The following CACNA1D variants were observed in gnomAD, a reference collection of about 807,000 sequenced individuals.
The protein encoded by CACNA1D is calcium voltage-gated channel subunit alpha1 D, also known as voltage-dependent L-type calcium channel subunit alpha-1D.
A neutral mutation model predicts 257.1 loss-of-function variants in CACNA1D; 55 were observed. The ratio of observed to expected loss-of-function variants is 0.21; its 90% CI spans 0.17 to 0.27. The LOEUF is 0.27. Ranked by LOEUF, CACNA1D falls within the 10% of genes least tolerant of loss-of-function variation. CACNA1D has a pLI of 1.00. For synonymous variants in CACNA1D, 980 were observed against 1,014.9 expected, an observed-to-expected ratio of 0.97 and a Z score of 0.65; for missense variants, 1,876 against 2,784.0, an observed-to-expected ratio of 0.67 and a Z score of 7.34.
intron 11 of CACNA1D, among the ~76,000 whole-genome samples, chr3:53,720,412 T>G (rs2094870150): frequency 1.3e-5 from 2 of 152,208 alleles, no homozygotes; most frequent in South Asian, 2.1e-4. Context: ...AACAAACAGA[T>G]AAATTGGTCT....
At chr3:53,726,809 C>G (rs567805870) in intron 14 of CACNA1D, 70 bp from the exon 15 acceptor site, 1 of 1,609,126 alleles carries the variant, frequency 6.2e-7, no homozygotes, top group African/African-American at 1.3e-5. Flanking sequence ...AGGCAGCCAC[C>G]GAGGGGCTCT....
intron 9 of CACNA1D, among the ~76,000 whole-genome samples, chr3:53,707,056 C>A (rs775168482): frequency 1.3e-5 from 2 of 152,080 alleles, no homozygotes; most frequent in Non-Finnish European, 2.9e-5. Context: ...GGCAGCACAG[C>A]TTTCAGGCTC....
chr3:53,756,889 C>T (rs946763045), intron 29 of CACNA1D, among the ~76,000 whole-genome samples: 8 of 152,186 alleles, frequency 5.3e-5, no homozygotes, highest in African/African-American at 9.7e-5. Context: ...TTGTTTGCTG[C>T]GGTTACTGGC....
At chr3:53,796,680 A>G (rs2095509076) in intron 40 of CACNA1D, among the ~76,000 whole-genome samples, 1 of 152,254 alleles carries the variant, frequency 6.6e-6, no homozygotes, top group Non-Finnish European at 1.5e-5. Context: ...TCAATAGAAT[A>G]TCTATGAAAT....
At chr3:53,803,279 C>A in intron 43 of CACNA1D, 144 bp from the exon 44 acceptor site, 1 of 838,076 alleles carries the variant, frequency 1.2e-6, no homozygotes, top group Non-Finnish European at 2.0e-6. Flanking sequence ...GAAGCCGGAA[C>A]AGTCCAGTGC....
At position 53,751,650 on chromosome 3, in the gene CACNA1D, G is replaced by A. The variant is rs577711978; in HGVS notation, c.3517-99G>A. On this transcript the variant is annotated intron_variant, in intron 27 of 47. Transcript: ENST00000350061. The surrounding 1 kb of genome is among the most constrained non-coding windows in gnomAD (Gnocchi z 4.3). ...TCACCATCGTCCACGGCCCCTTCCC[G>A]GGAGCTGTAGGGTGAGCTCTTTCAG... 6.6e-5 allele frequency: 81 copies of A among 1,221,006 alleles called. No individual in the cohort carries two copies. The highest frequency in any genetic ancestry group is 4.1e-4 in the South Asian group (34 of 82,932). The allele number at this position is 1,221,006 out of a possible 1,614,324, so 75.6% of individuals were successfully genotyped here. A position where few individuals can be genotyped will look rare whatever the true frequency, so the allele number is the denominator to read the frequency against.
At chr3:53,661,681 C>CTGTGTGCG (rs1207597560) in intron 5 of CACNA1D, among the ~76,000 whole-genome samples, 1 of 152,206 alleles carries the variant, frequency 6.6e-6, no homozygotes, top group African/African-American at 2.4e-5. Context: ...GGGGCTGTGG[C>CTGTGTGCG]TGTGTGCGTG....
At chr3:53,739,150 C>T (rs1293768751) in intron 20 of CACNA1D, among the ~76,000 whole-genome samples, 1 of 152,202 alleles carries the variant, frequency 6.6e-6, no homozygotes, top group East Asian at 1.9e-4. Context: ...AACAGCTCAC[C>T]CCTGTGACTC....
chr3:53,541,956 G>A (rs1275901180), intron 3 of CACNA1D, among the ~76,000 whole-genome samples: 1 of 152,172 alleles, frequency 6.6e-6, no homozygotes, highest in Non-Finnish European at 1.5e-5. Context: ...GAACTCTATA[G>A]AGGCAGAAAG....
chr3:53,556,096 C>T (rs1231210785), intron 3 of CACNA1D, among the ~76,000 whole-genome samples: 1 of 152,240 alleles, frequency 6.6e-6, no homozygotes, highest in Non-Finnish European at 1.5e-5. Context: ...GATATTCATC[C>T]ATGTTTAGGA....
chr3:53,755,397 G>T (rs1018312413), intron 29 of CACNA1D, among the ~76,000 whole-genome samples: 10 of 152,186 alleles, frequency 6.6e-5, no homozygotes, highest in Admixed American at 6.5e-4. Context: ...GCCGGCCAGT[G>T]CATTGACAGC....
In CACNA1D at chr3:53,604,103, G is replaced by C. The variant is rs147739015; in HGVS notation, c.484-46676G>C. On this transcript the variant is annotated intron_variant, in intron 3 of 47. Transcript: ENST00000350061. ...CTAAAGACACCTAAATCCTGGGGCT[G>C]AGAGTATGGCTCTATTTCTTATTGA... Among the ~76,000 whole-genome samples, 214 of 152,366 alleles carry C rather than the reference G, an allele frequency of 1.4e-3. 3 individuals carry two copies. The East Asian group carries it at 0.028, about 20-fold the overall frequency.
chr3:53,718,992 T>C (rs1559565287), intron 10 of CACNA1D, among the ~76,000 whole-genome samples: 1 of 151,968 alleles, frequency 6.6e-6, no homozygotes, highest in African/African-American at 2.4e-5. Flanking sequence ...ACTCACTGGC[T>C]TTTTTCTAGA....
At chr3:53,646,450 A>G (rs36006337) in intron 3 of CACNA1D, among the ~76,000 whole-genome samples, 1 of 152,124 alleles carries the variant, frequency 6.6e-6, no homozygotes, top group African/African-American at 2.4e-5. Context: ...TAGCCTCTAC[A>G]TGTCTAGATC....
chr3:53,592,456 A>G (rs779225569), intron 3 of CACNA1D, among the ~76,000 whole-genome samples: 1 of 152,146 alleles, frequency 6.6e-6, no homozygotes, highest in Non-Finnish European at 1.5e-5. Flanking sequence ...AGGGCCTTGG[A>G]TGTTACTCCG....
chr3:53,810,059 C>A lies in CACNA1D; in HGVS notation c.5953C>A (p.Pro1985Thr), dbSNP rs1480129816. Residue 1985 changes from proline to threonine, a missense_variant, in exon 47 of 48, where the codon CCA becomes ACA. Around this residue, in one of 10 missense-constraint regions of CACNA1D, gnomAD observed 491 missense variants for 554.3 expected, o/e 0.89. Transcript: ENST00000350061. The part of the protein sequence containing the change: ...SHSTRSWATP[P>T]ATPPYRDWTP... ...CTCGACCCGGTCGTGGGCCACCCCT[C>A]CAGCAACCCCTCCCTACCGGGACTG... The A allele has an allele frequency of 6.2e-7, 1 of 1,613,934 alleles. No homozygotes were observed. Among genetic ancestry groups the A allele is most frequent in the East Asian group, 2.2e-5 (1 of 44,886 alleles).
Position 53,751,512 on chromosome 3 carries a change from G to C in CACNA1D, c.3517-237G>C, listed in dbSNP as rs973223415. 6.6e-6 allele frequency among the ~76,000 whole-genome samples: 1 copy of C among 152,194 alleles called. No homozygotes were observed. The highest frequency in any genetic ancestry group is 2.4e-5 in the African/African-American group (1 of 41,448). ...AGCAAAATGGAAGCCACATGGGTAG[G>C]CACCCAGCTTACCCGGAGCTTGCTG... On this transcript the variant is annotated intron_variant, in intron 27 of 47. Coordinates refer to ENST00000350061, the MANE Select transcript of CACNA1D (RefSeq NM_001128840.3). This position sits in a 1 kb window ranked among gnomAD's most constrained non-coding sequence, Gnocchi z 4.3.
intron 3 of CACNA1D, among the ~76,000 whole-genome samples, chr3:53,582,198 C>T (rs1291357625): frequency 1.3e-5 from 2 of 152,124 alleles, no homozygotes; most frequent in African/African-American, 4.8e-5. Context: ...TGCTCTCACC[C>T]TCCCTTTTTG....
At chr3:53,561,487 G>A (rs921056994) in intron 3 of CACNA1D, among the ~76,000 whole-genome samples, 11 of 152,202 alleles carry the variant, frequency 7.2e-5, no homozygotes, top group Non-Finnish European at 1.0e-4. Flanking sequence ...ATCACAGACA[G>A]CGACTTTGGA....
Sources: gnomAD v4.1 joint callset for allele counts (sites outside exome capture counted in the v4.1 genomes callset) on GRCh38, gnomAD v4.1.1 for gene constraint, gnomAD v4.1.1 regional missense constraint, Gnocchi (gnomAD v3.1) non-coding constraint, MANE v1.5 for transcripts, NCBI Gene and HGNC (gene_info 2026-07-23, HGNC 2026-07-21) for gene names.